CTNNA2: variants seen among roughly 807,000 people sequenced by gnomAD.
CTNNA2 encodes catenin alpha-2.
Under a neutral mutation model 101.0 loss-of-function variants are expected in CTNNA2, and 42 were observed. The ratio of observed to expected loss-of-function variants is 0.42; its 90% CI spans 0.32 to 0.54. The LOEUF (loss-of-function observed/expected upper bound fraction) is 0.54, where lower values mean the gene tolerates loss of function less well. CTNNA2 is among the 20% of genes least tolerant of loss of function. The probability of loss-of-function intolerance (pLI) is 0.14; values close to 1 mark genes in which losing one functional copy is unlikely to be tolerated. For missense variants in CTNNA2, 871 were observed against 1,223.1 expected (o/e 0.71, Z 4.29); for synonymous variants, 450 against 456.4 (o/e 0.99, Z 0.18).
intron 7 of CTNNA2, among the ~76,000 whole-genome samples, chr2:80,031,245 A>G (rs1371755302): frequency 1.3e-5 from 2 of 152,230 alleles, no homozygotes; most frequent in African/African-American, 2.4e-5. Flanking sequence ...AAAAGTATAT[A>G]ACACGTTAAC....
intron 7 of CTNNA2, among the ~76,000 whole-genome samples, chr2:80,301,402 T>C (rs1676295452): frequency 6.6e-6 from 1 of 152,154 alleles, no homozygotes; most frequent in Non-Finnish European, 1.5e-5. Flanking sequence ...AATCAAAGAC[T>C]CAGGAGAATT....
At chr2:79,442,032 T>C (rs1455997254) in intron 4 of CTNNA2, among the ~76,000 whole-genome samples, 1 of 152,208 alleles carries the variant, frequency 6.6e-6, no homozygotes, top group Non-Finnish European at 1.5e-5. Flanking sequence ...TTAGTTTTCA[T>C]TCTCTAACAT....
intron 7 of CTNNA2, among the ~76,000 whole-genome samples, chr2:80,211,244 G>T (rs976545832): frequency 6.6e-6 from 1 of 152,036 alleles, no homozygotes; most frequent in South Asian, 2.1e-4. Context: ...GTCTACTTTG[G>T]CTTTTGTTGC....
chr2:79,352,684 T>C (rs1204379728), intron 3 of CTNNA2, among the ~76,000 whole-genome samples: 1 of 152,140 alleles, frequency 6.6e-6, no homozygotes, highest in Non-Finnish European at 1.5e-5. Context: ...TCATAGATAG[T>C]TAATTTGAGA....
chr2:80,118,261 A>G (rs1701636223), intron 7 of CTNNA2, among the ~76,000 whole-genome samples: 1 of 152,226 alleles, frequency 6.6e-6, no homozygotes, highest in Non-Finnish European at 1.5e-5. Flanking sequence ...TCTATTCAAA[A>G]TAGACGTGGG....
chr2:80,384,813 G>C (rs72813674), intron 7 of CTNNA2, among the ~76,000 whole-genome samples: 241 of 152,160 alleles, frequency 1.6e-3, no homozygotes, highest in Non-Finnish European at 2.4e-3. Flanking sequence ...CAGTGCTCCA[G>C]ACCTTGCCTG....
At chr2:80,628,480 C>T (rs1671925431) in intron 18 of CTNNA2, among the ~76,000 whole-genome samples, 1 of 151,362 alleles carries the variant, frequency 6.6e-6, no homozygotes, top group African/African-American at 2.4e-5. Context: ...ACCAGTTTTC[C>T]CAACACTATT....
intron 7 of CTNNA2, among the ~76,000 whole-genome samples, chr2:79,992,771 CTTG>C (rs1234207486): frequency 6.6e-6 from 1 of 152,088 alleles, no homozygotes; most frequent in African/African-American, 2.4e-5. Context: ...TTTTCTTAAA[CTTG>C]TGAGTATAGT....
chr2:80,367,691 G>A (rs78179787), intron 7 of CTNNA2, among the ~76,000 whole-genome samples: 6,360 of 151,438 alleles, frequency 0.042, 453 homozygotes, highest in African/African-American at 0.14. Context: ...TGCTTGTAAT[G>A]GTGTGAAAAA....
intron 2 of CTNNA2, among the ~76,000 whole-genome samples, chr2:79,704,667 C>T (rs567897955): frequency 9.8e-4 from 149 of 151,286 alleles, no homozygotes; most frequent in African/African-American, 3.3e-3. Flanking sequence ...CACCCGCCAC[C>T]ACGCCTGGCT....
chr2:79,480,716 T>G (rs1671099722), intron 4 of CTNNA2, among the ~76,000 whole-genome samples: 8 of 152,234 alleles, frequency 5.3e-5, no homozygotes, highest in Admixed American at 5.2e-4. Flanking sequence ...CAATAATGTT[T>G]TATGCTAAAC....
chr2:80,243,837 G>C (rs1291308687), intron 7 of CTNNA2, among the ~76,000 whole-genome samples: 1 of 152,176 alleles, frequency 6.6e-6, no homozygotes, highest in African/African-American at 2.4e-5. Flanking sequence ...GAGTATGTTT[G>C]ACTTTTTAAG....
intron 3 of CTNNA2, among the ~76,000 whole-genome samples, chr2:79,352,843 G>A (rs2104440056): frequency 6.6e-6 from 1 of 152,274 alleles, no homozygotes; most frequent in East Asian, 1.9e-4. Flanking sequence ...TTGGCTCATG[G>A]TTCTGTGAGC....
chr2:80,292,522 T>C (rs1402202437), intron 7 of CTNNA2, among the ~76,000 whole-genome samples: 1 of 152,014 alleles, frequency 6.6e-6, no homozygotes, highest in Admixed American at 6.5e-5. Context: ...GAGAAAATCT[T>C]AAGGATTTTG....
intron 3 of CTNNA2, among the ~76,000 whole-genome samples, chr2:79,359,559 T>G (rs1677580582): frequency 6.6e-6 from 1 of 152,188 alleles, no homozygotes; most frequent in South Asian, 2.1e-4. Flanking sequence ...GCAAGAAGGC[T>G]CATGCTGAAT....
At chr2:79,294,369 C>A (rs1019300911) in intron 2 of CTNNA2, among the ~76,000 whole-genome samples, 1 of 152,174 alleles carries the variant, frequency 6.6e-6, no homozygotes, top group Non-Finnish European at 1.5e-5. Flanking sequence ...CAGGTCCCCA[C>A]CCTTGTGACT....
chr2:79,225,855 C>A (rs74776649), intron 2 of CTNNA2, among the ~76,000 whole-genome samples: 6,635 of 152,190 alleles, frequency 0.044, 207 homozygotes, highest in Middle Eastern at 0.13. Context: ...ATTGAATAAG[C>A]CTTTTATATG....
At chr2:79,353,687 G>A (rs887502478) in intron 3 of CTNNA2, among the ~76,000 whole-genome samples, 6 of 152,006 alleles carry the variant, frequency 3.9e-5, no homozygotes, top group African/African-American at 4.8e-5. Flanking sequence ...ATATTGATAC[G>A]TAAAATTTTG....
chr2:79,269,105 A>G (rs906515314), intron 2 of CTNNA2, among the ~76,000 whole-genome samples: 1 of 152,252 alleles, frequency 6.6e-6, no homozygotes, highest in South Asian at 2.1e-4. Flanking sequence ...CAGAACAGAA[A>G]GAAAATACAC....
Sources: allele counts gnomAD v4.1 joint callset (sites outside exome capture counted in the v4.1 genomes callset), GRCh38; gene constraint gnomAD v4.1.1; transcripts MANE v1.5; gene names NCBI Gene and HGNC (gene_info 2026-07-23, HGNC 2026-07-21).